Variants in CNOT1 observed in about 807,000 individuals in gnomAD.
CNOT1 encodes CCR4-NOT transcription complex subunit 1.
In CNOT1, 15 loss-of-function variants were observed where a neutral mutation model predicts 273.8. The observed-to-expected ratio is 0.05, with a 90% CI of 0.04 to 0.08. The LOEUF (loss-of-function observed/expected upper bound fraction) is 0.08, where lower values mean the gene tolerates loss of function less well. Among genes scored for constraint, CNOT1 ranks in the 10% least tolerant of loss-of-function variants. The pLI is 1.00. For missense variants in CNOT1, 1,644 were observed against 2,912.2 expected, an observed-to-expected ratio of 0.56 and a Z score of 10.02; for synonymous variants, 1,022 against 1,005.5, an observed-to-expected ratio of 1.02 and a Z score of -0.31.
chr16:58,553,723 A>T (rs1230937277), intron 22 of CNOT1, 59 bp downstream of exon 22: 2 of 1,551,926 alleles, frequency 1.3e-6, no homozygotes, highest in Non-Finnish European at 1.7e-6. Context: ...AAAAGCCAAA[A>T]TATTAAACCC....
At position 58,586,615 on chromosome 16, in the gene CNOT1, G is replaced by A; in HGVS notation, c.567C>T (p.Leu189=). The A allele has an allele frequency of 6.2e-7, 1 of 1,612,786 alleles. No homozygotes were observed. The highest frequency in any genetic ancestry group is 8.5e-7 in the Non-Finnish European group (1 of 1,179,738). Residue 189 remains leucine, a synonymous_variant, in exon 7 of 49, where the codon CTC becomes CTT. Transcript: ENST00000317147. ...CTCCAAAGGCTCCCTTCTGCCCAAA[G>A]AGGAGATGGGAGAGGAGGAGGTGTA... ...EVLHLLLSHL[L]FGQKGAFGVG...
intron 17 of CNOT1, among the ~76,000 whole-genome samples, chr16:58,559,360 T>C (rs954848195): frequency 3.3e-5 from 5 of 152,188 alleles, no homozygotes; most frequent in Admixed American, 6.5e-5. Flanking sequence ...ATTATATTAA[T>C]AAATCCTCAC....
chr16:58,562,887 T>G (rs533154971), intron 16 of CNOT1, among the ~76,000 whole-genome samples: 12 of 152,010 alleles, frequency 7.9e-5, no homozygotes, highest in Non-Finnish European at 1.3e-4. Flanking sequence ...CCACCTAAAT[T>G]CAGAATGTTA....
chr16:58,571,781 C>G (rs896521231), intron 16 of CNOT1, among the ~76,000 whole-genome samples: 1 of 151,918 alleles, frequency 6.6e-6, no homozygotes, highest in African/African-American at 2.4e-5. Context: ...AGTTTGAGAC[C>G]AGCCAGGCCA....
At chr16:58,594,263 C>T (rs1184365141) in intron 2 of CNOT1, among the ~76,000 whole-genome samples, 2 of 150,646 alleles carry the variant, frequency 1.3e-5, no homozygotes, top group African/African-American at 2.5e-5. Context: ...AAAACAAAAA[C>T]AAAAAACAAA....
rs983720653 is a variant in CNOT1, at chr16:58,537,943, T to C, written c.5362A>G (p.Ile1788Val). ...GCATTAATCCTCATGAGGGTTTCAA[T>C]GGTGTGGAACAGATCTGCCTCAGTA... The part of the protein sequence containing the change: ...HVTEADLFHT[I>V]ETLMRINAHS... Residue 1788 changes from isoleucine to valine, a missense_variant, in exon 38 of 49, where the codon ATT becomes GTT. Coordinates refer to ENST00000317147, the MANE Select transcript of CNOT1 (RefSeq NM_016284.5). 1 of 1,614,056 alleles carries C rather than the reference T, an allele frequency of 6.2e-7. No individual in the cohort carries two copies. The highest frequency in any genetic ancestry group is 8.5e-7 in the Non-Finnish European group (1 of 1,180,030).
chr16:58,534,104 C>A (rs2039860503), intron 40 of CNOT1, 43 bp downstream of exon 40: 6 of 1,475,400 alleles, frequency 4.1e-6, no homozygotes, highest in Non-Finnish European at 5.4e-6. Flanking sequence ...ATAAAACACC[C>A]CACTGATGTA....
At chr16:58,561,342 A>C (rs2040833911) in intron 16 of CNOT1, among the ~76,000 whole-genome samples, 1 of 152,230 alleles carries the variant, frequency 6.6e-6, no homozygotes, top group Admixed American at 6.5e-5. Flanking sequence ...AAATATATTA[A>C]AATTTTCCAG....
intron 2 of CNOT1, among the ~76,000 whole-genome samples, chr16:58,590,381 T>C (rs2042012244): frequency 6.6e-6 from 1 of 152,300 alleles, no homozygotes; most frequent in South Asian, 2.1e-4. Context: ...TTAGCTTATT[T>C]CAGTTTCCCT....
chr16:58,536,852 T>C (rs947534556), intron 39 of CNOT1, 137 bp downstream of exon 39: 2 of 1,354,974 alleles, frequency 1.5e-6, no homozygotes, highest in African/African-American at 1.5e-5. Context: ...TTTAACCATA[T>C]AATGATGACA....
chr16:58,523,571 G>A, intron 46 of CNOT1, 69 bp from the exon 47 acceptor site: 4 of 1,486,220 alleles, frequency 2.7e-6, no homozygotes, highest in Non-Finnish European at 3.7e-6. Context: ...GTTCTAACTG[G>A]CTAGGGTTTG....
At chr16:58,624,192 T>C (rs547550416) in intron 1 of CNOT1, among the ~76,000 whole-genome samples, 9 of 152,194 alleles carry the variant, frequency 5.9e-5, no homozygotes, top group Non-Finnish European at 1.2e-4. Context: ...TGGGATCTGA[T>C]GCTATCTTCA....
intron 1 of CNOT1, among the ~76,000 whole-genome samples, chr16:58,612,021 G>GT (rs2042920171): frequency 7.2e-6 from 1 of 138,780 alleles, no homozygotes; most frequent in Non-Finnish European, 1.5e-5. Context: ...CTGGAGTCTA[G>GT]TGGTGTGACC....
At chr16:58,626,007 C>T (rs1186091376) in intron 1 of CNOT1, among the ~76,000 whole-genome samples, 3 of 152,056 alleles carry the variant, frequency 2.0e-5, no homozygotes, top group Non-Finnish European at 4.4e-5. Flanking sequence ...CAATGGGATG[C>T]CATTTTGAAA....
At chr16:58,626,746 T>C (rs1432765755) in intron 1 of CNOT1, among the ~76,000 whole-genome samples, 2 of 146,650 alleles carry the variant, frequency 1.4e-5, no homozygotes, top group Non-Finnish European at 3.0e-5. Flanking sequence ...GGCAACAGGG[T>C]GAGACTCCGT....
chr16:58,601,409 T>C (rs1257323334), intron 1 of CNOT1, among the ~76,000 whole-genome samples: 1 of 152,182 alleles, frequency 6.6e-6, no homozygotes, highest in Non-Finnish European at 1.5e-5. Context: ...AACACCCATT[T>C]TTTAAGAAAT....
intron 17 of CNOT1, among the ~76,000 whole-genome samples, 190 bp from the exon 18 acceptor site, chr16:58,558,864 A>G (rs2040731268): frequency 6.6e-6 from 1 of 152,202 alleles, no homozygotes; most frequent in Non-Finnish European, 1.5e-5. Flanking sequence ...TGTCACATAC[A>G]GAATAGGTTT....
intron 16 of CNOT1, among the ~76,000 whole-genome samples, chr16:58,561,406 A>G (rs1281650841): frequency 1.3e-5 from 2 of 152,248 alleles, no homozygotes; most frequent in Non-Finnish European, 2.9e-5. Flanking sequence ...AAACCCAGAC[A>G]TATCAAAGCA....
intron 12 of CNOT1, among the ~76,000 whole-genome samples, chr16:58,579,724 G>A (rs1405961822): frequency 6.6e-6 from 1 of 152,124 alleles, no homozygotes; most frequent in South Asian, 2.1e-4. Context: ...TTCAGGCCGC[G>A]CTCTCTCCCT....
Sources: gnomAD v4.1 joint callset for allele counts (sites outside exome capture counted in the v4.1 genomes callset) on GRCh38, gnomAD v4.1.1 for gene constraint, MANE v1.5 for transcripts, NCBI Gene and HGNC (gene_info 2026-07-23, HGNC 2026-07-21) for gene names.